FOXO3: variants seen among roughly 807,000 people sequenced by gnomAD.
The protein encoded by FOXO3 is forkhead box O3.
A neutral mutation model predicts 41.9 loss-of-function variants in FOXO3; 4 were observed. The ratio of observed to expected loss-of-function variants is 0.10; its 90% CI spans 0.05 to 0.22. FOXO3 has a LOEUF of 0.22. FOXO3 is among the 10% of genes least tolerant of loss of function. The pLI, the probability that FOXO3 is intolerant of heterozygous loss-of-function variation, is 1.00. For synonymous variants in FOXO3, 318 were observed against 389.3 expected (o/e 0.82, Z 2.16); for missense variants, 534 against 906.8 (o/e 0.59, Z 5.28).
chr6:108,579,580 A>G (rs1369142346), intron 1 of FOXO3, among the ~76,000 whole-genome samples: 2 of 152,190 alleles, frequency 1.3e-5, no homozygotes, highest in African/African-American at 4.8e-5. Flanking sequence ...TCCTTTCCAG[A>G]GCCATCACCA....
chr6:108,608,516 T>C (rs1355984255), intron 1 of FOXO3, among the ~76,000 whole-genome samples: 1 of 152,176 alleles, frequency 6.6e-6, no homozygotes, highest in Non-Finnish European at 1.5e-5. Flanking sequence ...ACTACTCTTT[T>C]CTGGTGCTAC....
Position 108,561,074 on chromosome 6 carries a change from G to C in FOXO3, c.-135G>C. On this transcript the variant is annotated 5_prime_UTR_variant, in exon 1 of 3. Transcript: ENST00000406360. The stretch of plus-strand genomic sequence containing the variant: ...ACCAACTCTCCTTCTCTCTTCTTTG[G>C]TGCTTCCCCAGGCGGCGGCGGCGGC... The C allele has an allele frequency of 7.0e-7, 1 of 1,429,552 alleles. No individual in the cohort carries two copies. The highest frequency in any genetic ancestry group is 9.1e-7 in the Non-Finnish European group (1 of 1,101,686). The allele number at this position is 1,429,552 out of a possible 1,614,324, so 88.6% of individuals were successfully genotyped here. A position where few individuals can be genotyped will look rare whatever the true frequency, so the allele number is the denominator to read the frequency against.
intron 1 of FOXO3, among the ~76,000 whole-genome samples, chr6:108,641,206 G>A (rs1778248628): frequency 6.6e-6 from 1 of 152,060 alleles, no homozygotes; most frequent in South Asian, 2.1e-4. Context: ...CACCTTGACT[G>A]GCTGGAAACT....
intron 2 of FOXO3, among the ~76,000 whole-genome samples, chr6:108,675,852 GA>G (rs982872647): frequency 6.6e-6 from 1 of 152,132 alleles, no homozygotes; most frequent in African/African-American, 2.4e-5. Context: ...AAACACTACT[GA>G]AAAATGTTTC....
At chr6:108,662,801 A>G (rs1270417561) in intron 1 of FOXO3, among the ~76,000 whole-genome samples, 1 of 152,178 alleles carries the variant, frequency 6.6e-6, no homozygotes, top group Non-Finnish European at 1.5e-5. Flanking sequence ...TCCAAGTGTG[A>G]ACTTCAATAT....
intron 1 of FOXO3, among the ~76,000 whole-genome samples, chr6:108,567,844 C>T (rs958437773): frequency 2.0e-5 from 3 of 152,010 alleles, no homozygotes; most frequent in South Asian, 2.1e-4. Context: ...GTCAGGAGTT[C>T]GAGACCAGCC....
chr6:108,564,392 C>T (rs1582724789), intron 1 of FOXO3, among the ~76,000 whole-genome samples: 1 of 152,286 alleles, frequency 6.6e-6, no homozygotes, highest in African/African-American at 2.4e-5. Context: ...GGAGTTGATT[C>T]TTGTCATGAT....
At chr6:108,565,196 C>T (rs563045171) in intron 1 of FOXO3, among the ~76,000 whole-genome samples, 1 of 152,152 alleles carries the variant, frequency 6.6e-6, no homozygotes, top group South Asian at 2.1e-4. Flanking sequence ...AGTAGGGGTA[C>T]TTAGGAACTA....
intron 1 of FOXO3, among the ~76,000 whole-genome samples, chr6:108,644,264 CATT>C (rs1180188411): frequency 2.6e-5 from 4 of 152,192 alleles, no homozygotes; most frequent in Admixed American, 6.5e-5. Flanking sequence ...ATATTGTCCT[CATT>C]GTTGTGAAGA....
At chr6:108,636,675 C>T (rs916878732) in intron 1 of FOXO3, among the ~76,000 whole-genome samples, 3 of 152,098 alleles carry the variant, frequency 2.0e-5, no homozygotes, top group Admixed American at 2.0e-4. Flanking sequence ...AGGGTGTGCT[C>T]TGGAAGTTTG....
intron 1 of FOXO3, among the ~76,000 whole-genome samples, chr6:108,634,231 C>T (rs746527842): frequency 9.9e-5 from 15 of 152,114 alleles, no homozygotes; most frequent in African/African-American, 2.7e-4. Flanking sequence ...CAACTGCTGA[C>T]GTGTGTGCGT....
At chr6:108,611,626 T>C (rs1191405339) in intron 1 of FOXO3, among the ~76,000 whole-genome samples, 2 of 152,212 alleles carry the variant, frequency 1.3e-5, no homozygotes, top group African/African-American at 2.4e-5. Context: ...AATAATGTTA[T>C]GCATCTTTTC....
chr6:108,620,882 C>T (rs111292403), intron 1 of FOXO3, among the ~76,000 whole-genome samples: 101 of 152,304 alleles, frequency 6.6e-4, no homozygotes, highest in Admixed American at 1.1e-3. Flanking sequence ...ACATTCAATA[C>T]TCTCTTTGCC....
chr6:108,570,745 G>A (rs904700217), intron 1 of FOXO3, among the ~76,000 whole-genome samples: 3 of 152,138 alleles, frequency 2.0e-5, no homozygotes, highest in Non-Finnish European at 2.9e-5. Context: ...CTGATGTCAA[G>A]TATTTTTTTC....
rs555503039 is a variant in FOXO3, at chr6:108,633,722, CTT to C, written c.622-29728_622-29727del. ...TCAGGCATTAAGAGCATGATCTACT[CTT>C]TTTTGGTTCCCTGTTATAAGTGGCT... On this transcript the variant is annotated intron_variant, in intron 1 of 2. Transcript: ENST00000406360. Among the ~76,000 whole-genome samples the C allele has an allele frequency of 6.1e-4, 93 of 152,030 alleles. 1 individual carries two copies. The highest frequency in any genetic ancestry group is 2.1e-3 in the African/African-American group (88 of 41,470).
chr6:108,573,082 C>G (rs748758564), intron 1 of FOXO3, among the ~76,000 whole-genome samples: 62 of 152,024 alleles, frequency 4.1e-4, no homozygotes, highest in Non-Finnish European at 7.8e-4. Context: ...GTCAGGAGAT[C>G]GAGACCATCC....
chr6:108,570,794 G>C (rs995176080), intron 1 of FOXO3, among the ~76,000 whole-genome samples: 14 of 152,086 alleles, frequency 9.2e-5, no homozygotes, highest in Non-Finnish European at 1.9e-4. Flanking sequence ...ATTTTTTAAA[G>C]AACTCTGATA....
chr6:108,631,565 A>G (rs1385449176), intron 1 of FOXO3, among the ~76,000 whole-genome samples: 8 of 152,030 alleles, frequency 5.3e-5, no homozygotes, highest in Admixed American at 2.0e-4. Flanking sequence ...CAATTATCCT[A>G]TAATCTTTGA....
intron 1 of FOXO3, among the ~76,000 whole-genome samples, chr6:108,649,449 G>T (rs1778487585): frequency 6.8e-6 from 1 of 146,834 alleles, no homozygotes; most frequent in South Asian, 2.2e-4. Context: ...CTGGCAAATT[G>T]TTCTCCAAAT....
Sources: allele counts gnomAD v4.1 joint callset (sites outside exome capture counted in the v4.1 genomes callset), GRCh38; gene constraint gnomAD v4.1.1; transcripts MANE v1.5; gene names NCBI Gene and HGNC (gene_info 2026-07-23, HGNC 2026-07-21).